TEX10: variants seen among roughly 807,000 people sequenced by gnomAD.
TEX10 encodes the protein testis expressed 10, also known as testis-expressed protein 10.
A neutral mutation model predicts 104.4 loss-of-function variants in TEX10; 24 were observed. That is an observed-to-expected ratio of 0.23 (90% confidence interval 0.17 to 0.32). The LOEUF is 0.32. TEX10 is among the 10% of genes least tolerant of loss of function. TEX10 has a pLI of 1.00. For missense variants in TEX10, 921 were observed against 1,083.9 expected, an observed-to-expected ratio of 0.85 and a Z score of 2.11; for synonymous variants, 396 against 393.4, an observed-to-expected ratio of 1.01 and a Z score of -0.08.
intron 2 of TEX10, 69 bp downstream of exon 2, chr9:100,349,115 A>G (rs1835375171): frequency 7.4e-7 from 1 of 1,343,312 alleles, no homozygotes; most frequent in Non-Finnish European, 9.8e-7. Flanking sequence ...ACAAATTTTC[A>G]CAAAAATATA....
rs754438740 is a variant in TEX10, at chr9:100,349,306, T to G, written c.58A>C (p.Lys20Gln). ...DFQKVKLKVG[K>Q]KKPKLQNATP... ...GCATTTTGTAACTTGGGCTTCTTTT[T>G]ACCAACTTTCAATTTTACTTTTTGA... The change falls in exon 2 of 15, where the codon AAA (lysine) becomes CAA (glutamine). Residue 20 changes from lysine to glutamine, a missense_variant. Coordinates refer to ENST00000374902, the MANE Select transcript of TEX10 (RefSeq NM_017746.4). The G allele has an allele frequency of 4.4e-6, 7 of 1,605,406 alleles. No homozygotes were observed. Among genetic ancestry groups the G allele is most frequent in the Non-Finnish European group, 5.9e-6 (7 of 1,177,796 alleles).
At chr9:100,352,714 C>A in intron 1 of TEX10, 58 bp downstream of exon 1, 1 of 1,282,816 alleles carries the variant, frequency 7.8e-7, no homozygotes, top group Non-Finnish European at 9.9e-7. Context: ...GCGACGGCCC[C>A]ACCACGCTCA....
At chr9:100,334,171 CCAAG>C (rs1834945843) in intron 5 of TEX10, among the ~76,000 whole-genome samples, 1 of 151,614 alleles carries the variant, frequency 6.6e-6, no homozygotes, top group African/African-American at 2.4e-5. Flanking sequence ...CCACTAAATC[CCAAG>C]CAGAATAAAC....
At chr9:100,326,202 G>A (rs1834700631) in intron 9 of TEX10, 100 bp downstream of exon 9, 1 of 1,216,676 alleles carries the variant, frequency 8.2e-7, no homozygotes, top group African/African-American at 1.5e-5. Context: ...GTAAATGAAA[G>A]TAGTGTATGC....
chr9:100,329,767 A>G (rs1346796938), intron 6 of TEX10, among the ~76,000 whole-genome samples, 164 bp downstream of exon 6: 1 of 152,180 alleles, frequency 6.6e-6, no homozygotes, highest in Non-Finnish European at 1.5e-5. Flanking sequence ...ACTCTGAGCC[A>G]TAAACAATTT....
Position 100,303,833 on chromosome 9 carries a change from C to T in TEX10, c.2475G>A (p.Leu825=). ...EAEHLRKRDK[L]WGVCVSILAL... is the part of the protein sequence containing the mutation. ...CCAGGATGGAGACACAGACCCCCCACAGCTTGTCCCTACAATAACAGAGAC... is the reference window on the plus strand; with the variant it reads ...CCAGGATGGAGACACAGACCCCCCATAGCTTGTCCCTACAATAACAGAGAC... The change falls in exon 14 of 15, where the codon CTG becomes CTA. Residue 825 remains leucine, a synonymous_variant. Transcript: ENST00000374902. The T allele has an allele frequency of 2.5e-6, 4 of 1,613,902 alleles. No individual in the cohort carries two copies. The highest frequency in any genetic ancestry group is 3.4e-6 in the Non-Finnish European group (4 of 1,179,992).
chr9:100,330,674 T>A (rs981311019), intron 5 of TEX10, among the ~76,000 whole-genome samples: 2 of 152,260 alleles, frequency 1.3e-5, no homozygotes, highest in Non-Finnish European at 2.9e-5. Flanking sequence ...CATATTAATA[T>A]CAGTTTATTC....
intron 1 of TEX10, among the ~76,000 whole-genome samples, chr9:100,352,015 G>A (rs1339386440): frequency 1.1e-5 from 1 of 94,240 alleles, no homozygotes; most frequent in Non-Finnish European, 1.9e-5. Flanking sequence ...TCCTACTGTA[G>A]GTCTTTTCTA....
chr9:100,317,967 C>T (rs1554735316), intron 11 of TEX10, among the ~76,000 whole-genome samples: 1 of 151,226 alleles, frequency 6.6e-6, no homozygotes, highest in Non-Finnish European at 1.5e-5. Context: ...ATTAAGAAGA[C>T]AAAAAAAACA....
At position 100,346,711 on chromosome 9, in the gene TEX10, A is replaced by G. The variant is rs1466739437; in HGVS notation, c.876T>C (p.Ser292=). 6.2e-7 allele frequency: 1 copy of G among 1,612,646 alleles called. No homozygotes were observed. The highest frequency in any genetic ancestry group is 1.7e-5 in the Admixed American group (1 of 59,926). The stretch of plus-strand genomic sequence containing the variant: ...CTTCTTACCGTAGCCTGAACTGTGA[A>G]CTGACATTTGGCTGTGAACCCCCAT... The part of the protein sequence containing the change: ...YENGGSQPNV[S]SQFRLRYLVG... The change falls in exon 3 of 15, where the codon AGT becomes AGC. Residue 292 remains serine, a synonymous_variant. Transcript: ENST00000374902.
In TEX10 at chr9:100,302,121, A is replaced by AC; in HGVS notation, c.*69dup. On this transcript the variant is annotated 3_prime_UTR_variant, in exon 15 of 15. Coordinates refer to ENST00000374902, the MANE Select transcript of TEX10 (RefSeq NM_017746.4). ...TCAGCTTTAATGACAAAGATCTATT[A>AC]CATCAGTCTTTTTCTTCAAATAAGA... 5.6e-6 allele frequency: 5 copies of AC among 895,492 alleles called. No homozygotes were observed. The highest frequency in any genetic ancestry group is 8.3e-6 in the Non-Finnish European group (5 of 600,226). 55.5% of individuals were successfully genotyped at this position (895,492 alleles called of 1,614,324 possible).
chr9:100,352,881 C>T lies in TEX10; in HGVS notation c.-119G>A. The T allele has an allele frequency of 2.0e-6, 2 of 996,852 alleles. No individual in the cohort carries two copies. Among genetic ancestry groups the T allele is most frequent in the Non-Finnish European group, 2.4e-6 (2 of 838,268 alleles). 61.8% of individuals were successfully genotyped at this position (996,852 alleles called of 1,614,324 possible). A position where few individuals can be genotyped will look rare whatever the true frequency, so the allele number is the denominator to read the frequency against. ...CGACCTCAGGCTCTAGCTCCCGGAG[C>T]GTGTTTTCAAATAGCCTCGTCCTCA... On this transcript the variant is annotated 5_prime_UTR_variant, in exon 1 of 15. Transcript: ENST00000374902.
chr9:100,302,146 A>T lies in TEX10; in HGVS notation c.*45T>A, dbSNP rs773409439. ...ACATCAGTCTTTTTCTTCAAATAAG[A>T]TAGATGTGAATAAACAACTTCAAAC... On this transcript the variant is annotated 3_prime_UTR_variant, in exon 15 of 15. Transcript: ENST00000374902. 71 of 1,159,740 alleles carry T rather than the reference A, an allele frequency of 6.1e-5. No individual in the cohort carries two copies. The highest frequency in any genetic ancestry group is 8.0e-5 in the Non-Finnish European group (65 of 816,756). 71.8% of individuals were successfully genotyped at this position (1,159,740 alleles called of 1,614,324 possible).
chr9:100,321,081 C>T lies in TEX10; in HGVS notation c.2068+602G>A, dbSNP rs140637990. 3.6e-3 allele frequency among the ~76,000 whole-genome samples: 545 copies of T among 152,296 alleles called. 3 individuals are homozygous for T. Among genetic ancestry groups the T allele is most frequent in the African/African-American group, 0.012 (513 of 41,572 alleles). The stretch of plus-strand genomic sequence containing the variant: ...TTTGATAGCCATGTCATAGTACTGA[C>T]TCCCAATGAGCTTTCTAAAATCACT... On this transcript the variant is annotated intron_variant, in intron 10 of 14. Coordinates refer to ENST00000374902, the MANE Select transcript of TEX10 (RefSeq NM_017746.4).
chr9:100,334,497 C>T (rs903891743), intron 5 of TEX10, among the ~76,000 whole-genome samples: 2 of 152,032 alleles, frequency 1.3e-5, no homozygotes, highest in African/African-American at 4.8e-5. Flanking sequence ...CCAGGGAGGA[C>T]TGAGATACAT....
chr9:100,345,444 T>G (rs995698174), intron 4 of TEX10, among the ~76,000 whole-genome samples: 1 of 152,246 alleles, frequency 6.6e-6, no homozygotes, highest in Admixed American at 6.5e-5. Context: ...TCAAAAGTCC[T>G]TACAGCAATT....
intron 1 of TEX10, 64 bp downstream of exon 1, chr9:100,352,708 C>T (rs965367988): frequency 1.5e-6 from 2 of 1,296,908 alleles, no homozygotes; most frequent in Non-Finnish European, 2.0e-6. Context: ...CGGGGGGCGA[C>T]GGCCCCACCA....
At chr9:100,320,242 T>A in intron 11 of TEX10, 23 bp downstream of exon 11, 8 of 1,572,990 alleles carry the variant, frequency 5.1e-6, no homozygotes, top group Non-Finnish European at 6.9e-6. Flanking sequence ...TAATTATTAG[T>A]TTCTTTTTAA....
chr9:100,351,419 A>AGAG (rs1835446023), intron 1 of TEX10, among the ~76,000 whole-genome samples: 1 of 42,836 alleles, frequency 2.3e-5, no homozygotes, highest in Non-Finnish European at 4.8e-5. Context: ...GGTGGGTGGG[A>AGAG]GGGAATAAGG....
Sources: gnomAD v4.1 joint callset for allele counts (sites outside exome capture counted in the v4.1 genomes callset) on GRCh38, gnomAD v4.1.1 for gene constraint, MANE v1.5 for transcripts, NCBI Gene and HGNC (gene_info 2026-07-23, HGNC 2026-07-21) for gene names.